The following FAM193A variants were observed in gnomAD, a reference collection of about 807,000 sequenced individuals.
FAM193A encodes the protein protein FAM193A.
FAM193A carries 22 observed loss-of-function variants against 126.5 expected under a neutral mutation model. The observed-to-expected ratio is 0.17, with a 90% CI of 0.12 to 0.25. The LOEUF (loss-of-function observed/expected upper bound fraction) is 0.25, where lower values mean the gene tolerates loss of function less well. Among genes scored for constraint, FAM193A ranks in the 10% least tolerant of loss-of-function variants. FAM193A has a pLI of 1.00. For synonymous variants in FAM193A, 761 were observed against 646.8 expected (o/e 1.18, Z -2.68); for missense variants, 1,675 against 1,672.8 (o/e 1.00, Z -0.02).
chr4:2,551,644 T>C (rs28733963), intron 1 of FAM193A, among the ~76,000 whole-genome samples: 10,040 of 152,188 alleles, frequency 0.066, 587 homozygotes, highest in African/African-American at 0.15. Flanking sequence ...ATTCCTGATA[T>C]TAGTAACTTG....
intron 18 of FAM193A, 72 bp from the exon 19 acceptor site, chr4:2,699,608 C>A: frequency 6.9e-7 from 1 of 1,450,978 alleles, no homozygotes; most frequent in Non-Finnish European, 9.3e-7. Flanking sequence ...TTGAAATTAT[C>A]TTAGTTTTTC....
intron 1 of FAM193A, among the ~76,000 whole-genome samples, chr4:2,574,938 G>A (rs566103210): frequency 9.2e-5 from 14 of 152,242 alleles, no homozygotes; most frequent in African/African-American, 2.6e-4. Flanking sequence ...TTTTGGGTTC[G>A]TGACCCGCCT....
chr4:2,688,712 T>C (rs1716028096), intron 13 of FAM193A, among the ~76,000 whole-genome samples: 1 of 152,228 alleles, frequency 6.6e-6, no homozygotes, highest in Admixed American at 6.5e-5. Flanking sequence ...TGGGAAGAGT[T>C]CGTGGTGCAA....
At position 2,732,189 on chromosome 4, in the gene FAM193A, C is replaced by T. The variant is rs547921374; in HGVS notation, c.*321C>T. ...GGAGTTTGCATCATCCACGTGGCTC[C>T]GTTGCCTCTGCATTGCGCCCTGTCC... On this transcript the variant is annotated 3_prime_UTR_variant, in exon 21 of 21. Coordinates refer to ENST00000637812, the MANE Select transcript of FAM193A (RefSeq NM_001366318.2). 3.2e-4 allele frequency: 121 copies of T among 382,920 alleles called. No individual in the cohort carries two copies. Among genetic ancestry groups the T allele is most frequent in the Middle Eastern group, 2.5e-3 (3 of 1,200 alleles). 23.7% of individuals were successfully genotyped at this position (382,920 alleles called of 1,614,324 possible).
intron 3 of FAM193A, chr4:2,625,610 G>A: frequency 2.6e-6 from 1 of 385,290 alleles, no homozygotes; most frequent in East Asian, 4.0e-5. Flanking sequence ...AAGAGAAGGA[G>A]TCCTTAAATA....
intron 1 of FAM193A, among the ~76,000 whole-genome samples, chr4:2,557,342 C>T (rs1484902320): frequency 6.6e-6 from 1 of 152,144 alleles, no homozygotes; most frequent in Non-Finnish European, 1.5e-5. Context: ...GGAGTTTGTG[C>T]ATTCTCTTCA....
At position 2,672,341 on chromosome 4, in the gene FAM193A, T is replaced by G. The variant is rs144767549; in HGVS notation, c.2300T>G (p.Leu767Trp). Reference sequence around the variant, plus strand: ...CCACGCCCTCTCATCCACCCCACCTTGTATGCAACGCCCCCCTTCACACAC... The same window carrying G: ...CCACGCCCTCTCATCCACCCCACCTGGTATGCAACGCCCCCCTTCACACAC... ...HLPRPLIHPT[L>W]YATPPFTHSK... is the part of the protein sequence containing the mutation. Residue 767 changes from leucine (L) to tryptophan (W), a missense_variant, in exon 13 of 21, where the codon TTG (leucine) becomes TGG (tryptophan). This residue lies in a region of FAM193A where 1,186 missense variants were observed against 1,109.2 expected (regional missense o/e 1.07). Transcript: ENST00000637812. The G allele has an allele frequency of 1.9e-6, 3 of 1,613,998 alleles. No homozygotes were observed. The African/African-American group carries it at 4.0e-5, about 22-fold the overall frequency.
At chr4:2,678,052 G>A (rs1714634174) in intron 13 of FAM193A, among the ~76,000 whole-genome samples, 2 of 152,122 alleles carry the variant, frequency 1.3e-5, no homozygotes, top group Admixed American at 6.5e-5. Context: ...AGGCTGGAAT[G>A]CAGTGGCATG....
At chr4:2,597,503 C>A (rs1252319170) in intron 2 of FAM193A, among the ~76,000 whole-genome samples, 1 of 152,164 alleles carries the variant, frequency 6.6e-6, no homozygotes, top group Non-Finnish European at 1.5e-5. Flanking sequence ...TTGCCCTGGT[C>A]CAGAGGCCAG....
At chr4:2,570,084 T>C (rs1374777392) in intron 1 of FAM193A, among the ~76,000 whole-genome samples, 2 of 152,046 alleles carry the variant, frequency 1.3e-5, no homozygotes, top group East Asian at 3.8e-4. Context: ...AGAGTATGAC[T>C]TTTCTTCACT....
chr4:2,552,482 G>GTC (rs987453961), intron 1 of FAM193A, among the ~76,000 whole-genome samples: 9 of 151,812 alleles, frequency 5.9e-5, no homozygotes, highest in African/African-American at 1.7e-4. Context: ...TGCTATAAAC[G>GTC]TCTCTCTGAG....
At position 2,540,207 on chromosome 4, in the gene FAM193A, C is replaced by T. The variant is rs576986840; in HGVS notation, c.255+3037C>T. Among the ~76,000 whole-genome samples the T allele has an allele frequency of 5.9e-5, 9 of 151,976 alleles. No homozygotes were observed. The East Asian group carries it at 1.6e-3, about 26-fold the overall frequency. On this transcript the variant is annotated intron_variant, in intron 1 of 20. Transcript: ENST00000637812. Reference sequence around the variant, plus strand: ...AAAAATGGCCGGGCGCAGTGGCTCACGCCTGTAATCCCAGCACTGTGGGAG... The same window carrying T: ...AAAAATGGCCGGGCGCAGTGGCTCATGCCTGTAATCCCAGCACTGTGGGAG...
intron 5 of FAM193A, among the ~76,000 whole-genome samples, chr4:2,639,018 G>A (rs1012181404): frequency 1.3e-5 from 2 of 152,214 alleles, no homozygotes; most frequent in African/African-American, 4.8e-5. Flanking sequence ...GTAGTTGACA[G>A]AGGGAAGCAT....
chr4:2,708,833 G>A (rs1478672252), intron 19 of FAM193A, among the ~76,000 whole-genome samples: 3 of 152,062 alleles, frequency 2.0e-5, no homozygotes, highest in Non-Finnish European at 4.4e-5. Context: ...ATTCTCTGGG[G>A]TTTTCCAGGC....
chr4:2,648,119 T>C (rs1745326185), intron 7 of FAM193A, among the ~76,000 whole-genome samples: 1 of 152,214 alleles, frequency 6.6e-6, no homozygotes, highest in African/African-American at 2.4e-5. Flanking sequence ...GGTTTTCTCT[T>C]ACTCCATTCT....
At chr4:2,627,893 C>T (rs898188394) in intron 4 of FAM193A, among the ~76,000 whole-genome samples, 1 of 152,104 alleles carries the variant, frequency 6.6e-6, no homozygotes, top group Non-Finnish European at 1.5e-5. Context: ...CAGGCACCCA[C>T]TACCACGCCC....
At chr4:2,689,450 A>T in intron 13 of FAM193A, 56 bp from the exon 14 acceptor site, 1 of 1,295,580 alleles carries the variant, frequency 7.7e-7, no homozygotes, top group South Asian at 1.4e-5. Context: ...TTAACTACTT[A>T]CCTAGGTAAA....
chr4:2,602,893 C>G (rs1250822909), intron 2 of FAM193A, among the ~76,000 whole-genome samples: 2 of 148,598 alleles, frequency 1.3e-5, no homozygotes, highest in Non-Finnish European at 3.0e-5. Flanking sequence ...ATCTCCTGAC[C>G]TTGTGATCCG....
chr4:2,659,299 G>C (rs1360506699), intron 8 of FAM193A, among the ~76,000 whole-genome samples: 1 of 152,156 alleles, frequency 6.6e-6, no homozygotes, highest in Non-Finnish European at 1.5e-5. Context: ...TTCTGCATCA[G>C]GTGTGTGCTG....
Sources: allele counts gnomAD v4.1 joint callset (sites outside exome capture counted in the v4.1 genomes callset), GRCh38; gene constraint gnomAD v4.1.1; regional missense constraint gnomAD v4.1.1; transcripts MANE v1.5; gene names NCBI Gene and HGNC (gene_info 2026-07-23, HGNC 2026-07-21).